PPARGC1A: variants seen among roughly 807,000 people sequenced by gnomAD.
PPARGC1A encodes PPARG coactivator 1 alpha.
A neutral mutation model predicts 88.7 loss-of-function variants in PPARGC1A; 25 were observed. The observed-to-expected ratio is 0.28, with a 90% CI of 0.21 to 0.39. PPARGC1A has a LOEUF of 0.39. Among genes scored for constraint, PPARGC1A ranks in the 10% least tolerant of loss-of-function variants. The probability of loss-of-function intolerance (pLI) is 1.00; values close to 1 mark genes in which losing one functional copy is unlikely to be tolerated. For missense variants in PPARGC1A, 880 were observed against 968.7 expected (o/e 0.91, Z 1.22); for synonymous variants, 363 against 355.6 (o/e 1.02, Z -0.24).
the PPARGC1A span, among the ~76,000 whole-genome samples, chr4:24,362,296 T>C: frequency 5.3e-5 from 8 of 152,226 alleles, no homozygotes; most frequent in South Asian, 1.0e-3. Context: ...AATTCCAGTA[T>C]TGAGCACAAT....
intron 2 of PPARGC1A, among the ~76,000 whole-genome samples, chr4:23,848,750 C>T (rs114547094): frequency 0.016 from 2,367 of 152,196 alleles, 69 homozygotes; most frequent in African/African-American, 0.054. Flanking sequence ...AAGTAGTAGA[C>T]TCAAAGTCTT....
the PPARGC1A span, among the ~76,000 whole-genome samples, chr4:23,940,613 G>A: frequency 6.6e-6 from 1 of 152,166 alleles, no homozygotes; most frequent in African/African-American, 2.4e-5. Flanking sequence ...CAAATGAACA[G>A]TAATTGTATG....
chr4:24,029,043 T>C, the PPARGC1A span, among the ~76,000 whole-genome samples: 4 of 152,234 alleles, frequency 2.6e-5, no homozygotes, highest in East Asian at 1.9e-4. Flanking sequence ...TTACATGTTA[T>C]ACATAACCTC....
chr4:24,342,475 C>A, the PPARGC1A span, among the ~76,000 whole-genome samples: 1 of 151,954 alleles, frequency 6.6e-6, no homozygotes, highest in Non-Finnish European at 1.5e-5. Context: ...ATCTATTACA[C>A]TAACCAGCCT....
the PPARGC1A span, among the ~76,000 whole-genome samples, chr4:24,396,679 C>G: frequency 6.6e-6 from 1 of 152,008 alleles, no homozygotes; most frequent in Non-Finnish European, 1.5e-5. Context: ...CCCTAGCTAT[C>G]AGTTTAGGGG....
chr4:24,137,062 C>T, the PPARGC1A span, among the ~76,000 whole-genome samples: 292 of 147,974 alleles, frequency 2.0e-3, 1 homozygote, highest in Middle Eastern at 3.7e-3. Context: ...TGCAGTGAGC[C>T]GAGATGGCAC....
the PPARGC1A span, among the ~76,000 whole-genome samples, chr4:24,456,130 A>G: frequency 6.6e-6 from 1 of 152,162 alleles, no homozygotes; most frequent in African/African-American, 2.4e-5. Flanking sequence ...AATAACCCCT[A>G]AAGGGAAGTG....
chr4:24,236,272 C>CA, the PPARGC1A span, among the ~76,000 whole-genome samples: 6 of 151,992 alleles, frequency 3.9e-5, no homozygotes, highest in Non-Finnish European at 5.9e-5. Context: ...TATCTAAGGA[C>CA]AAAAAACACT....
At chr4:24,283,715 A>G in the PPARGC1A span, among the ~76,000 whole-genome samples, 1 of 152,122 alleles carries the variant, frequency 6.6e-6, no homozygotes, top group Non-Finnish European at 1.5e-5. Flanking sequence ...GGCCCATACC[A>G]CCTAGACTGA....
At chr4:24,421,341 C>T in the PPARGC1A span, among the ~76,000 whole-genome samples, 9 of 145,456 alleles carry the variant, frequency 6.2e-5, no homozygotes, top group East Asian at 2.0e-4. Context: ...AATGGAGTCT[C>T]GCTCTGTCGC....
At chr4:24,053,118 G>A in the PPARGC1A span, among the ~76,000 whole-genome samples, 20 of 150,888 alleles carry the variant, frequency 1.3e-4, no homozygotes, top group South Asian at 4.2e-4. Context: ...TGATCCGCCC[G>A]CCTCGGCCTC....
chr4:24,324,376 C>A, the PPARGC1A span, among the ~76,000 whole-genome samples: 1 of 152,164 alleles, frequency 6.6e-6, no homozygotes, highest in African/African-American at 2.4e-5. Context: ...GTGCCCAATC[C>A]CTTATTTCCA....
chr4:23,801,449 A>G (rs1348854522), intron 12 of PPARGC1A, among the ~76,000 whole-genome samples: 1 of 152,142 alleles, frequency 6.6e-6, no homozygotes. Flanking sequence ...TACAGAAATC[A>G]TGAACACATG....
At position 23,831,044 on chromosome 4, in the gene PPARGC1A, GA is replaced by G. The variant is rs1724910500; in HGVS notation, c.429+512del. Among the ~76,000 whole-genome samples, 4 of 151,928 alleles carry G rather than the reference GA, an allele frequency of 2.6e-5. No individual in the cohort carries two copies. The South Asian group carries it at 8.3e-4, about 32-fold the overall frequency. On this transcript the variant is annotated intron_variant, in intron 3 of 12. Transcript: ENST00000264867. ...TAATTATTATACAATTTGAAATAGT[GA>G]AAAATAGAAGAAAAAACTAAATATC...
upstream of PPARGC1A, among the ~76,000 whole-genome samples, chr4:23,894,955 T>A (rs1432274808): frequency 6.6e-6 from 1 of 152,110 alleles, no homozygotes; most frequent in Non-Finnish European, 1.5e-5. Context: ...AAATGTTCAA[T>A]AGGATTATCT....
the PPARGC1A span, among the ~76,000 whole-genome samples, chr4:24,402,294 C>T: frequency 6.6e-6 from 1 of 152,162 alleles, no homozygotes; most frequent in Non-Finnish European, 1.5e-5. Flanking sequence ...ACAGCTGTCT[C>T]CCCAGCGACA....
the PPARGC1A span, among the ~76,000 whole-genome samples, chr4:24,395,509 A>C: frequency 3.3e-5 from 5 of 152,124 alleles, no homozygotes; most frequent in Non-Finnish European, 5.9e-5. Flanking sequence ...GCTCCATGAG[A>C]TTTTCTGTTC....
the PPARGC1A span, among the ~76,000 whole-genome samples, chr4:24,437,434 A>C: frequency 6.6e-6 from 1 of 152,166 alleles, no homozygotes; most frequent in Non-Finnish European, 1.5e-5. Context: ...TAGGGCTGCC[A>C]TAGGCTTGGT....
At chr4:23,803,484 A>C (rs1485697805) in intron 10 of PPARGC1A, among the ~76,000 whole-genome samples, 1 of 150,456 alleles carries the variant, frequency 6.6e-6, no homozygotes, top group Non-Finnish European at 1.5e-5. Context: ...TCTGAAAGTC[A>C]TCAGTAATTT....
Sources: allele counts gnomAD v4.1 joint callset (sites outside exome capture counted in the v4.1 genomes callset), GRCh38; gene constraint gnomAD v4.1.1; transcripts MANE v1.5; gene names NCBI Gene and HGNC (gene_info 2026-07-23, HGNC 2026-07-21).